Variants in DLGAP1 observed in about 807,000 individuals in gnomAD.
The protein encoded by DLGAP1 is DLG associated protein 1, also known as disks large-associated protein 1.
Under a neutral mutation model 90.8 loss-of-function variants are expected in DLGAP1, and 11 were observed. The ratio of observed to expected loss-of-function variants is 0.12; its 90% CI spans 0.08 to 0.20. The LOEUF (loss-of-function observed/expected upper bound fraction) is 0.20, where lower values mean the gene tolerates loss of function less well. Among genes scored for constraint, DLGAP1 ranks in the 10% least tolerant of loss-of-function variants. The probability of loss-of-function intolerance (pLI) is 1.00; values close to 1 mark genes in which losing one functional copy is unlikely to be tolerated. For synonymous variants in DLGAP1, 558 were observed against 540.7 expected, an observed-to-expected ratio of 1.03 and a Z score of -0.44; for missense variants, 1,050 against 1,333.8, an observed-to-expected ratio of 0.79 and a Z score of 3.31.
chr18:3,869,096 TA>T (rs2070580532), intron 4 of DLGAP1, among the ~76,000 whole-genome samples: 1 of 151,994 alleles, frequency 6.6e-6, no homozygotes, highest in South Asian at 2.1e-4. Context: ...CTGTCTGGAA[TA>T]AGGCAGCAGG....
Position 4,202,032 on chromosome 18 carries a change from T to C in DLGAP1, c.-266-50745A>G, listed in dbSNP as rs370598310. On this transcript the variant is annotated intron_variant, in intron 1 of 12. Coordinates refer to ENST00000315677, the MANE Select transcript of DLGAP1 (RefSeq NM_004746.4). ...AGAGACCCCTGAGCTTTTATGTTTA[T>C]TGCAGCATAATTCATAATTGCAAAA... 2.0e-5 allele frequency among the ~76,000 whole-genome samples: 3 copies of C among 152,248 alleles called. No homozygotes were observed. The East Asian group carries it at 5.8e-4, about 29-fold the overall frequency.
intron 7 of DLGAP1, among the ~76,000 whole-genome samples, chr18:3,659,444 C>T (rs2059609541): frequency 7.3e-6 from 1 of 136,980 alleles, no homozygotes; most frequent in South Asian, 2.3e-4. Context: ...CGGATGCTAC[C>T]ACCCCCCGCC....
rs182380359 is a variant in DLGAP1, at chr18:4,354,607, T to C, written c.-267+100399A>G. 5.4e-4 allele frequency among the ~76,000 whole-genome samples: 82 copies of C among 152,180 alleles called. 1 individual carries two copies. Among genetic ancestry groups the C allele is most frequent in the African/African-American group, 1.4e-3 (60 of 41,534 alleles). Reference sequence around the variant, plus strand: ...ATGAATTTGCAATGCTTTTCTCTTGTTAACCTGCCTTTTGTTATAGGGGTG... The same window carrying C: ...ATGAATTTGCAATGCTTTTCTCTTGCTAACCTGCCTTTTGTTATAGGGGTG... On this transcript the variant is annotated intron_variant, in intron 1 of 12. Transcript: ENST00000315677.
intron 6 of DLGAP1, among the ~76,000 whole-genome samples, chr18:3,733,526 G>GT (rs1336594471): frequency 1.3e-5 from 2 of 152,000 alleles, no homozygotes; most frequent in African/African-American, 4.8e-5. Flanking sequence ...ATATTGTGGG[G>GT]TTTTTTTGTT....
chr18:3,657,797 G>A (rs570887970), intron 7 of DLGAP1, among the ~76,000 whole-genome samples: 6 of 151,906 alleles, frequency 3.9e-5, no homozygotes, highest in Admixed American at 6.6e-5. Context: ...GTAGAGACGG[G>A]GTTTCACCGT....
chr18:4,039,227 G>C (rs140011901), intron 2 of DLGAP1, among the ~76,000 whole-genome samples: 188 of 152,264 alleles, frequency 1.2e-3, no homozygotes, highest in Non-Finnish European at 2.1e-3. Flanking sequence ...GGAGACGATA[G>C]TTTACTTATT....
intron 7 of DLGAP1, among the ~76,000 whole-genome samples, chr18:3,717,039 C>CTTTT (rs56981271): frequency 4.4e-5 from 5 of 113,846 alleles, no homozygotes; most frequent in African/African-American, 1.6e-4. Flanking sequence ...GTGAGTTTGC[C>CTTTT]TTTTTTTTTT....
At chr18:4,036,097 A>G (rs796745238) in intron 2 of DLGAP1, among the ~76,000 whole-genome samples, 12 of 152,294 alleles carry the variant, frequency 7.9e-5, no homozygotes, top group African/African-American at 2.9e-4. Flanking sequence ...CTTTAAAACT[A>G]GTAGTTCCAT....
chr18:4,343,558 T>C (rs1348649619), intron 1 of DLGAP1, among the ~76,000 whole-genome samples: 1 of 152,052 alleles, frequency 6.6e-6, no homozygotes, highest in Non-Finnish European at 1.5e-5. Context: ...GTTTGGCATA[T>C]GGTGAGCACT....
rs2075714487 is a variant in DLGAP1 at position 4,088,124 on chromosome 18, A to C, written c.-159+63056T>G. Among the ~76,000 whole-genome samples the C allele has an allele frequency of 2.7e-5, 4 of 148,596 alleles. No individual in the cohort carries two copies. In the South Asian group the frequency reaches 8.7e-4, roughly 32 times the overall value. On this transcript the variant is annotated intron_variant, in intron 2 of 12. Coordinates refer to ENST00000315677, the MANE Select transcript of DLGAP1 (RefSeq NM_004746.4). Reference sequence around the variant, plus strand: ...AGAAAACATTTCCTATTTTAATTTTAAATTAAATTAAATTTTAAATATGGA... The same window carrying C: ...AGAAAACATTTCCTATTTTAATTTTCAATTAAATTAAATTTTAAATATGGA...
At chr18:3,949,650 C>T (rs1269349694) in intron 3 of DLGAP1, among the ~76,000 whole-genome samples, 1 of 152,172 alleles carries the variant, frequency 6.6e-6, no homozygotes, top group Non-Finnish European at 1.5e-5. Context: ...GACATCCTCT[C>T]TGAGTTATGT....
chr18:4,087,040 T>TACAC (rs1568388152), intron 2 of DLGAP1, among the ~76,000 whole-genome samples: 4 of 103,526 alleles, frequency 3.9e-5, no homozygotes, highest in Admixed American at 9.0e-5. Flanking sequence ...TATATATATA[T>TACAC]ACACAAACAC....
intron 9 of DLGAP1, among the ~76,000 whole-genome samples, chr18:3,543,128 T>C (rs1247347298): frequency 2.0e-5 from 3 of 152,002 alleles, no homozygotes; most frequent in South Asian, 2.1e-4. Context: ...TCAATCTGGA[T>C]CTCTAAACTA....
At chr18:3,944,901 G>C (rs1253025933) in intron 3 of DLGAP1, among the ~76,000 whole-genome samples, 1 of 152,204 alleles carries the variant, frequency 6.6e-6, no homozygotes, top group Admixed American at 6.5e-5. Context: ...TTGGAGAAAA[G>C]TGTGAATGTG....
At chr18:3,734,405 A>G (rs1804570743) in intron 6 of DLGAP1, among the ~76,000 whole-genome samples, 1 of 152,164 alleles carries the variant, frequency 6.6e-6, no homozygotes, top group Non-Finnish European at 1.5e-5. Context: ...GGCACGAGCT[A>G]CTGCACTCAG....
chr18:3,895,222 G>A (rs1471886921), intron 3 of DLGAP1, among the ~76,000 whole-genome samples: 1 of 149,266 alleles, frequency 6.7e-6, no homozygotes, highest in African/African-American at 2.5e-5. Flanking sequence ...AAATCATGAT[G>A]GTTTTAGTAC....
chr18:3,739,185 A>C (rs1162276571), intron 6 of DLGAP1, among the ~76,000 whole-genome samples: 45 of 144,826 alleles, frequency 3.1e-4, no homozygotes, highest in Middle Eastern at 3.6e-3. Context: ...GTGGGACTGT[A>C]AACTAGTTCA....
chr18:3,657,578 A>G (rs1409562819), intron 7 of DLGAP1, among the ~76,000 whole-genome samples: 2 of 151,720 alleles, frequency 1.3e-5, no homozygotes, highest in Non-Finnish European at 1.5e-5. Flanking sequence ...CAAATTCCAT[A>G]TAGTGAATTG....
chr18:3,763,667 T>C (rs1333640628), intron 5 of DLGAP1, among the ~76,000 whole-genome samples: 1 of 152,074 alleles, frequency 6.6e-6, no homozygotes, highest in Non-Finnish European at 1.5e-5. Context: ...ATCTTTTTTT[T>C]TTCTTTTTTT....
Sources: allele counts gnomAD v4.1 joint callset (sites outside exome capture counted in the v4.1 genomes callset), GRCh38; gene constraint gnomAD v4.1.1; transcripts MANE v1.5; gene names NCBI Gene and HGNC (gene_info 2026-07-23, HGNC 2026-07-21).